The following MBOAT1 variants were observed in gnomAD, a reference collection of about 807,000 sequenced individuals.
MBOAT1 encodes the protein membrane-bound glycerophospholipid O-acyltransferase 1.
In MBOAT1, 67 loss-of-function variants were observed where a neutral mutation model predicts 64.4. The ratio of observed to expected loss-of-function variants is 1.04; its 90% confidence interval spans 0.85 to 1.27. The LOEUF is 1.27. Among genes scored for constraint, MBOAT1 ranks in the 50% most tolerant of loss-of-function variants. The probability of loss-of-function intolerance (pLI) is 0.00; values close to 1 mark genes in which losing one functional copy is unlikely to be tolerated. For synonymous variants in MBOAT1, 229 were observed against 218.9 expected (o/e 1.05, Z -0.41); for missense variants, 563 against 604.6 (o/e 0.93, Z 0.72).
At chr6:20,114,306 C>T (rs1395650184) in intron 10 of MBOAT1, among the ~76,000 whole-genome samples, 5 of 152,106 alleles carry the variant, frequency 3.3e-5, no homozygotes, top group Admixed American at 6.5e-5. Flanking sequence ...TTATGATAGG[C>T]ATATCACTAG....
At chr6:20,131,034 C>T (rs1452508498) in intron 5 of MBOAT1, 110 bp downstream of exon 5, 2 of 947,348 alleles carry the variant, frequency 2.1e-6, no homozygotes, top group Non-Finnish European at 1.7e-6. Flanking sequence ...CAAGATAAAG[C>T]AAGATCTGCC....
At chr6:20,211,992 AC>A (rs1763439084) in intron 1 of MBOAT1, 143 bp downstream of exon 1, 8 of 658,498 alleles carry the variant, frequency 1.2e-5, no homozygotes, top group Non-Finnish European at 2.1e-5. Flanking sequence ...ACACACACAC[AC>A]ACACACACAC....
intron 1 of MBOAT1, among the ~76,000 whole-genome samples, chr6:20,208,430 A>AGC (rs1252506597): frequency 4.2e-5 from 6 of 142,748 alleles, no homozygotes; most frequent in African/African-American, 1.8e-4. Context: ...TGGGTGACAG[A>AGC]GCTAGACTCT....
intron 3 of MBOAT1, among the ~76,000 whole-genome samples, chr6:20,147,042 C>A (rs1293719109): frequency 6.6e-6 from 1 of 152,190 alleles, no homozygotes; most frequent in Non-Finnish European, 1.5e-5. Flanking sequence ...GTAAGTCCCA[C>A]AAGATCTGAT....
At position 20,131,665 on chromosome 6, in the gene MBOAT1, G is replaced by T. The variant is rs1309244169; in HGVS notation, c.420-466C>A. 2.0e-5 allele frequency among the ~76,000 whole-genome samples: 3 copies of T among 152,138 alleles called. No homozygotes were observed. The East Asian group carries it at 5.8e-4, about 29-fold the overall frequency. On this transcript the variant is annotated intron_variant, in intron 4 of 12. Transcript: ENST00000324607. Reference sequence around the variant, plus strand: ...TTTCATTCTATTTTTCTGGATGGTGGTTTTTTCATCTCGAAGTTTATTAAA... The same window carrying T: ...TTTCATTCTATTTTTCTGGATGGTGTTTTTTTCATCTCGAAGTTTATTAAA...
At chr6:20,188,571 A>G (rs1762717907) in intron 1 of MBOAT1, among the ~76,000 whole-genome samples, 1 of 152,200 alleles carries the variant, frequency 6.6e-6, no homozygotes, top group Non-Finnish European at 1.5e-5. Context: ...GAGAGGGCCC[A>G]GAAGAGGGTT....
rs1423190980 is a variant in MBOAT1, at chr6:20,177,666, C to T, written c.100-24897G>A. On this transcript the variant is annotated intron_variant, in intron 1 of 12. Coordinates refer to ENST00000324607, the MANE Select transcript of MBOAT1 (RefSeq NM_001080480.3). Reference sequence around the variant, plus strand: ...GTGGGAGCCTGTAGTCCCAGCTACTCGGGAGGCTGAGGCAGGAGAACGGCG... The same window carrying T: ...GTGGGAGCCTGTAGTCCCAGCTACTTGGGAGGCTGAGGCAGGAGAACGGCG... Among the ~76,000 whole-genome samples the T allele has an allele frequency of 8.0e-5, 12 of 149,956 alleles. No homozygotes were observed. The East Asian group carries it at 1.2e-3, about 15-fold the overall frequency.
chr6:20,161,032 C>T (rs191166883), intron 1 of MBOAT1, among the ~76,000 whole-genome samples: 10 of 152,276 alleles, frequency 6.6e-5, no homozygotes, highest in Admixed American at 5.9e-4. Context: ...CTGTTAGGAA[C>T]CAGGCCACAC....
chr6:20,186,524 T>C (rs1370863507), intron 1 of MBOAT1, among the ~76,000 whole-genome samples: 1 of 152,206 alleles, frequency 6.6e-6, no homozygotes, highest in African/African-American at 2.4e-5. Context: ...TGTTGCCTTG[T>C]ACCACGTTGA....
At chr6:20,123,142 ATTT>A (rs960566636) in intron 8 of MBOAT1, among the ~76,000 whole-genome samples, 2 of 150,530 alleles carry the variant, frequency 1.3e-5, no homozygotes, top group East Asian at 3.9e-4. Context: ...AAAAATTATA[ATTT>A]TTTTTAAAAA....
chr6:20,139,873 T>C (rs1220475504), intron 4 of MBOAT1, among the ~76,000 whole-genome samples: 1 of 152,276 alleles, frequency 6.6e-6, no homozygotes, highest in Non-Finnish European at 1.5e-5. Context: ...CTATACAAAC[T>C]TAAAATATGT....
intron 1 of MBOAT1, among the ~76,000 whole-genome samples, chr6:20,163,963 C>A (rs903207043): frequency 5.3e-5 from 8 of 151,864 alleles, no homozygotes; most frequent in Non-Finnish European, 8.8e-5. Flanking sequence ...TTGACCGGGG[C>A]CCGGGATGTC....
chr6:20,103,647 G>A (rs922329133), intron 12 of MBOAT1, among the ~76,000 whole-genome samples: 1 of 152,098 alleles, frequency 6.6e-6, no homozygotes. Flanking sequence ...GGCTGGTCTC[G>A]AACTCCCAGC....
intron 4 of MBOAT1, among the ~76,000 whole-genome samples, chr6:20,136,453 C>G (rs1243014286): frequency 6.6e-6 from 1 of 152,146 alleles, no homozygotes; most frequent in Non-Finnish European, 1.5e-5. Context: ...CTGGCAGCAG[C>G]ATGAAAAAGA....
At position 20,144,367 on chromosome 6, in the gene MBOAT1, T is replaced by G. The variant is rs992954744; in HGVS notation, c.324-52A>C. 1.5e-5 allele frequency: 17 copies of G among 1,115,248 alleles called. No individual in the cohort carries two copies. In the African/African-American group the frequency reaches 2.3e-4, roughly 15 times the overall value. The allele number at this position is 1,115,248 out of a possible 1,614,324, so 69.1% of individuals were successfully genotyped here. A position where few individuals can be genotyped will look rare whatever the true frequency, so the allele number is the denominator to read the frequency against. ...ATTATTATGCATAGCAATAATGCAC[T>G]CAATTAATGTTCCCCTCTTCCTCTC... On this transcript the variant is annotated intron_variant, in intron 3 of 12. Coordinates refer to ENST00000324607, the MANE Select transcript of MBOAT1 (RefSeq NM_001080480.3).
chr6:20,158,878 C>T (rs533915661), intron 1 of MBOAT1, among the ~76,000 whole-genome samples: 4 of 152,198 alleles, frequency 2.6e-5, no homozygotes, highest in African/African-American at 4.8e-5. Context: ...CAACACCTCA[C>T]GTGTGTTAGA....
intron 1 of MBOAT1, among the ~76,000 whole-genome samples, chr6:20,197,564 G>T (rs1053608327): frequency 1.5e-4 from 23 of 152,146 alleles, no homozygotes; most frequent in African/African-American, 5.1e-4. Flanking sequence ...TGTGTATTCA[G>T]TGAAAGGCTA....
chr6:20,113,048 C>G lies in MBOAT1; in HGVS notation c.1077-40G>C, dbSNP rs566825294. The stretch of plus-strand genomic sequence containing the variant: ...AGGAACAAGACACAGGTGAAACATA[C>G]CAGAAACTTCTAAGTACAGCTGCTG... On this transcript the variant is annotated intron_variant, in intron 10 of 12. Coordinates refer to ENST00000324607, the MANE Select transcript of MBOAT1 (RefSeq NM_001080480.3). The G allele has an allele frequency of 3.7e-5, 59 of 1,597,284 alleles. No homozygotes were observed. The Admixed American group carries it at 4.4e-4, about 12-fold the overall frequency.
intron 1 of MBOAT1, among the ~76,000 whole-genome samples, chr6:20,177,319 G>A (rs1473664393): frequency 6.6e-6 from 1 of 152,172 alleles, no homozygotes; most frequent in Admixed American, 6.5e-5. Flanking sequence ...CGCAGATACG[G>A]ACAATAAAGT....
Sources: gnomAD v4.1 joint callset for allele counts (sites outside exome capture counted in the v4.1 genomes callset) on GRCh38, gnomAD v4.1.1 for gene constraint, MANE v1.5 for transcripts, NCBI Gene and HGNC (gene_info 2026-07-23, HGNC 2026-07-21) for gene names.